The following RBFOX1 variants were observed in gnomAD, a reference collection of about 807,000 sequenced individuals.
The protein encoded by RBFOX1 is RNA binding protein fox-1 homolog 1.
Under a neutral mutation model 57.7 loss-of-function variants are expected in RBFOX1, and 8 were observed. The observed-to-expected ratio is 0.14, with a 90% CI of 0.08 to 0.25. The LOEUF is 0.25. RBFOX1 is among the 10% of genes least tolerant of loss of function. The pLI, the probability that RBFOX1 is intolerant of heterozygous loss-of-function variation, is 1.00. For missense variants in RBFOX1, 611 were observed against 548.5 expected (o/e 1.11, Z -1.14); for synonymous variants, 326 against 222.4 (o/e 1.47, Z -4.15).
intron 3 of RBFOX1, among the ~76,000 whole-genome samples, chr16:5,766,857 TA>T (rs1359745641): frequency 6.6e-6 from 1 of 152,206 alleles, no homozygotes; most frequent in Non-Finnish European, 1.5e-5. Flanking sequence ...TTATTTCCCT[TA>T]GCCTTTCACT....
At chr16:5,982,525 C>T (rs1262940262) in intron 4 of RBFOX1, among the ~76,000 whole-genome samples, 1 of 152,138 alleles carries the variant, frequency 6.6e-6, no homozygotes, top group Non-Finnish European at 1.5e-5. Context: ...ATCCGCCTTC[C>T]CCAGCCTCCC....
chr16:5,717,158 C>G (rs1338999503), intron 3 of RBFOX1, among the ~76,000 whole-genome samples: 2 of 152,058 alleles, frequency 1.3e-5, no homozygotes, highest in African/African-American at 2.4e-5. Context: ...TTCATGAATC[C>G]AGCAGAAAAG....
intron 3 of RBFOX1, among the ~76,000 whole-genome samples, chr16:7,031,670 A>T (rs1447136788): frequency 2.0e-5 from 3 of 152,134 alleles, no homozygotes; most frequent in African/African-American, 4.8e-5. Flanking sequence ...AATAATTTTG[A>T]TGGGATTGGC....
intron 4 of RBFOX1, among the ~76,000 whole-genome samples, chr16:7,180,307 C>T (rs527616443): frequency 5.3e-5 from 8 of 152,134 alleles, no homozygotes; most frequent in South Asian, 4.2e-4. Flanking sequence ...ATAATTATTC[C>T]CATTTTTCAG....
chr16:7,070,338 G>C (rs760066594), intron 4 of RBFOX1, among the ~76,000 whole-genome samples: 1 of 152,172 alleles, frequency 6.6e-6, no homozygotes, highest in African/African-American at 2.4e-5. Flanking sequence ...CCTGGATAGA[G>C]AACATGGAGG....
intron 1 of RBFOX1, among the ~76,000 whole-genome samples, chr16:6,208,184 C>T (rs933884474): frequency 6.6e-6 from 1 of 151,596 alleles, no homozygotes; most frequent in African/African-American, 2.4e-5. Flanking sequence ...GAGTATGATC[C>T]ATTTTTTGTA....
At chr16:6,320,678 T>C (rs543306307) in intron 2 of RBFOX1, among the ~76,000 whole-genome samples, 10 of 152,236 alleles carry the variant, frequency 6.6e-5, no homozygotes, top group African/African-American at 2.4e-4. Context: ...TTCAATATGG[T>C]TACCAGCAGC....
intron 1 of RBFOX1, among the ~76,000 whole-genome samples, chr16:6,265,641 C>A (rs2152653483): frequency 6.6e-6 from 1 of 152,312 alleles, no homozygotes; most frequent in East Asian, 1.9e-4. Flanking sequence ...GTTTCTCAAG[C>A]CCTTCTTGTG....
In RBFOX1 at chr16:6,564,861, C is replaced by T. The variant is rs1390144989; in HGVS notation, c.-63-89742C>T. ...TTTTTTAAAATTAAAGCATTTGCGGCTGGGCACGGTGGCTCATGTCTGTAA... is the reference window on the plus strand; with the variant it reads ...TTTTTTAAAATTAAAGCATTTGCGGTTGGGCACGGTGGCTCATGTCTGTAA... On this transcript the variant is annotated intron_variant, in intron 2 of 15. Coordinates refer to ENST00000550418, the MANE Select transcript of RBFOX1 (RefSeq NM_018723.4). Among the ~76,000 whole-genome samples, 3 of 152,126 alleles carry T rather than the reference C, an allele frequency of 2.0e-5. No homozygotes were observed. In the East Asian group the frequency reaches 5.8e-4, roughly 29 times the overall value.
At chr16:5,774,882 C>T (rs887878835) in intron 3 of RBFOX1, among the ~76,000 whole-genome samples, 6 of 152,218 alleles carry the variant, frequency 3.9e-5, no homozygotes, top group Admixed American at 2.0e-4. Context: ...GGAGTTTCAC[C>T]ATGTTGGCCA....
intron 4 of RBFOX1, among the ~76,000 whole-genome samples, chr16:7,231,712 T>C (rs1449435249): frequency 2.0e-5 from 3 of 152,144 alleles, no homozygotes; most frequent in East Asian, 1.9e-4. Context: ...TGAAATATCA[T>C]TGAGCCATAA....
chr16:6,594,606 T>C (rs2097758798), intron 2 of RBFOX1, among the ~76,000 whole-genome samples: 1 of 152,180 alleles, frequency 6.6e-6, no homozygotes. Flanking sequence ...ACTAGTTTAT[T>C]ATTTAAACTA....
At chr16:7,116,171 T>C (rs1158125250) in intron 4 of RBFOX1, among the ~76,000 whole-genome samples, 3 of 152,142 alleles carry the variant, frequency 2.0e-5, no homozygotes, top group Non-Finnish European at 4.4e-5. Context: ...ACTGCATTTT[T>C]CTCCCGTTCA....
At chr16:7,636,510 C>T (rs773854743) in intron 11 of RBFOX1, among the ~76,000 whole-genome samples, 6 of 152,272 alleles carry the variant, frequency 3.9e-5, no homozygotes, top group East Asian at 3.9e-4. Flanking sequence ...CCTGTTTTGA[C>T]GATTGATGTT....
chr16:5,660,913 C>G (rs4786053), intron 3 of RBFOX1, among the ~76,000 whole-genome samples: 17,576 of 152,148 alleles, frequency 0.12, 1,334 homozygotes, highest in East Asian at 0.25. Context: ...GATGAATTGC[C>G]TCCAACCCAG....
chr16:5,670,511 T>C (rs1290745500), intron 3 of RBFOX1, among the ~76,000 whole-genome samples: 1 of 152,192 alleles, frequency 6.6e-6, no homozygotes, highest in East Asian at 1.9e-4. Flanking sequence ...TATGCCTTTG[T>C]CTCTTAAGCC....
At chr16:7,366,824 C>T (rs2097459163) in intron 4 of RBFOX1, among the ~76,000 whole-genome samples, 1 of 152,086 alleles carries the variant, frequency 6.6e-6, no homozygotes, top group Non-Finnish European at 1.5e-5. Flanking sequence ...CATTAGGAGA[C>T]ATCAGGCAGA....
intron 2 of RBFOX1, among the ~76,000 whole-genome samples, chr16:6,598,459 A>G (rs533257547): frequency 4.6e-5 from 7 of 152,358 alleles, no homozygotes; most frequent in Non-Finnish European, 8.8e-5. Context: ...GTTATCTCCC[A>G]GTAATCCTAT....
intron 3 of RBFOX1, among the ~76,000 whole-genome samples, chr16:6,961,518 C>T (rs2083008828): frequency 6.6e-6 from 1 of 152,176 alleles, no homozygotes; most frequent in Non-Finnish European, 1.5e-5. Flanking sequence ...CAGAGCGAGT[C>T]CGTAAAGTCA....
Sources: gnomAD v4.1 joint callset for allele counts (sites outside exome capture counted in the v4.1 genomes callset) on GRCh38, gnomAD v4.1.1 for gene constraint, MANE v1.5 for transcripts, NCBI Gene and HGNC (gene_info 2026-07-23, HGNC 2026-07-21) for gene names.